Variants in PRLR observed in about 807,000 individuals in gnomAD.
The protein encoded by PRLR is hPRL receptor.
In PRLR, 13 loss-of-function variants were observed where a neutral mutation model predicts 40.2. The observed-to-expected ratio is 0.32, with a 90% CI of 0.21 to 0.51. The LOEUF is 0.51. PRLR is among the 20% of genes least tolerant of loss of function. The pLI is 0.97. For missense variants in PRLR, 656 were observed against 747.3 expected (o/e 0.88, Z 1.42); for synonymous variants, 269 against 278.7 (o/e 0.97, Z 0.35).
At chr5:35,054,067 C>G (rs1193341232), downstream of PRLR, among the ~76,000 whole-genome samples, 1 of 152,124 alleles carries the variant, frequency 6.6e-6, no homozygotes, top group Non-Finnish European at 1.5e-5. Context: ...TACTCAGATA[C>G]AAATGGATTC....
Position 35,084,478 on chromosome 5 carries a change from G to A in PRLR, c.365C>T (p.Thr122Ile), listed in dbSNP as rs771090673. ...SFSDELYVDV[T>I]YIVQPDPPLE... ...ACTTTCCTTCCCCTTACCTATGTAA[G>A]TCACGTCCACATAAAGTTCATCCGA... Residue 122 changes from threonine (T) to isoleucine (I), a missense_variant, in exon 5 of 10, where the codon ACT becomes ATT. Physicochemically the swap from Thr to Ile is moderately conservative, Grantham distance 89. Coordinates refer to ENST00000618457, the MANE Select transcript of PRLR (RefSeq NM_000949.7). 1.9e-6 allele frequency: 3 copies of A among 1,569,352 alleles called. No homozygotes were observed. The highest frequency in any genetic ancestry group is 2.6e-6 in the Non-Finnish European group (3 of 1,164,792).
At position 35,099,219 on chromosome 5, in the gene PRLR, A is replaced by G. The variant is rs375358747; in HGVS notation, c.-43-9556T>C. 2.6e-5 allele frequency among the ~76,000 whole-genome samples: 4 copies of G among 152,330 alleles called. No homozygotes were observed. The East Asian group carries it at 7.7e-4, about 29-fold the overall frequency. On this transcript the variant is annotated intron_variant, in intron 2 of 9. Transcript: ENST00000618457. ...TGGTGGCCTCTGAAAGTGGGTAGAA[A>G]TAACACACAGTAACGCACTGAATGA...
intron 1 of PRLR, among the ~76,000 whole-genome samples, chr5:35,213,495 T>G (rs1776216981): frequency 6.6e-6 from 1 of 152,224 alleles, no homozygotes; most frequent in Admixed American, 6.5e-5. Context: ...TGCTGTTTCT[T>G]TAGCTATCTG....
intron 1 of PRLR, among the ~76,000 whole-genome samples, chr5:35,122,445 CTA>C: frequency 6.6e-6 from 1 of 152,316 alleles, no homozygotes; most frequent in South Asian, 2.1e-4. Flanking sequence ...ACCTCCTGCC[CTA>C]TGTGTCCATG....
At chr5:35,168,289 T>C (rs7711988) in intron 1 of PRLR, among the ~76,000 whole-genome samples, 2,550 of 152,028 alleles carry the variant, frequency 0.017, 87 homozygotes, top group African/African-American at 0.059. Context: ...TCATATCTGA[T>C]TAAACATGAA....
At chr5:35,083,517 T>TTC (rs1435373681) in intron 5 of PRLR, among the ~76,000 whole-genome samples, 8 of 148,722 alleles carry the variant, frequency 5.4e-5, no homozygotes, top group African/African-American at 1.8e-4. Flanking sequence ...ATTCTTTCTT[T>TTC]TCTTTTCTTT....
intron 1 of PRLR, among the ~76,000 whole-genome samples, chr5:35,130,701 C>T (rs189943849): frequency 3.2e-4 from 48 of 152,244 alleles, no homozygotes; most frequent in South Asian, 4.2e-4. Context: ...TGCATCCTCC[C>T]GAAAGAGACG....
At chr5:35,115,104 G>C (rs115722919) in intron 2 of PRLR, among the ~76,000 whole-genome samples, 1 of 152,118 alleles carries the variant, frequency 6.6e-6, no homozygotes, top group South Asian at 2.1e-4. Context: ...ACATGAGGCT[G>C]GCAAACATTT....
intron 1 of PRLR, among the ~76,000 whole-genome samples, chr5:35,147,376 A>C (rs78460380): frequency 6.6e-6 from 1 of 152,238 alleles, no homozygotes; most frequent in East Asian, 1.9e-4. Flanking sequence ...CTATATTTCC[A>C]TCTCAAGAAT....
intron 2 of PRLR, among the ~76,000 whole-genome samples, chr5:35,116,886 C>A (rs1773054711): frequency 6.6e-6 from 1 of 152,200 alleles, no homozygotes; most frequent in African/African-American, 2.4e-5. Context: ...GCTGAGGCAA[C>A]TTAAAGCAGT....
At chr5:35,051,474 C>T (rs1768495720), downstream of PRLR, among the ~76,000 whole-genome samples, 1 of 152,138 alleles carries the variant, frequency 6.6e-6, no homozygotes, top group East Asian at 1.9e-4. Context: ...ACAATCAAGG[C>T]TTAATTATTG....
At chr5:35,068,641 T>A in intron 8 of PRLR, 138 bp downstream of exon 8, 1 of 709,134 alleles carries the variant, frequency 1.4e-6, no homozygotes, top group Non-Finnish European at 2.3e-6. Flanking sequence ...ATAAAAGATT[T>A]TTTTTATGGG....
At chr5:35,138,829 T>A (rs767842813) in intron 1 of PRLR, among the ~76,000 whole-genome samples, 1 of 152,194 alleles carries the variant, frequency 6.6e-6, no homozygotes, top group Non-Finnish European at 1.5e-5. Flanking sequence ...TTTTATCTGC[T>A]GCCATTACTT....
chr5:35,138,871 T>TA (rs1773932946), intron 1 of PRLR, among the ~76,000 whole-genome samples: 1 of 152,188 alleles, frequency 6.6e-6, no homozygotes, highest in South Asian at 2.1e-4. Flanking sequence ...ATCTTCCAGT[T>TA]AAATCATGAT....
intron 1 of PRLR, among the ~76,000 whole-genome samples, chr5:35,179,439 T>A (rs564050093): frequency 6.6e-6 from 1 of 152,256 alleles, no homozygotes; most frequent in East Asian, 1.9e-4. Context: ...ATAAGGCAGT[T>A]GTGGTAATAG....
In PRLR at chr5:35,148,781, T is replaced by C. The variant is rs928738259; in HGVS notation, c.-105-30659A>G. Among the ~76,000 whole-genome samples the C allele has an allele frequency of 2.6e-5, 4 of 152,138 alleles. 1 individual carries two copies. In the South Asian group the frequency reaches 8.3e-4, roughly 32 times the overall value. ...TTAGGAGACTTTTTTAACTCAATAT[T>C]TTACAAAAATTTGATATTGCAAACA... On this transcript the variant is annotated intron_variant, in intron 1 of 9. Transcript: ENST00000618457.
intron 1 of PRLR, among the ~76,000 whole-genome samples, chr5:35,123,759 G>A (rs1773367007): frequency 1.3e-5 from 2 of 152,152 alleles, no homozygotes; most frequent in Non-Finnish European, 2.9e-5. Flanking sequence ...AAAGTATTCA[G>A]TAGCTTTATA....
At chr5:35,210,954 C>T (rs754309683) in intron 1 of PRLR, among the ~76,000 whole-genome samples, 2 of 152,142 alleles carry the variant, frequency 1.3e-5, no homozygotes, top group Non-Finnish European at 2.9e-5. Flanking sequence ...TGCAAGCAAT[C>T]CACCTGCCTC....
chr5:35,175,759 T>C (rs1235427544), intron 1 of PRLR, among the ~76,000 whole-genome samples: 3 of 152,208 alleles, frequency 2.0e-5, no homozygotes, highest in Non-Finnish European at 4.4e-5. Context: ...CTTCACAAAC[T>C]GCCCCCACTT....
Sources: gnomAD v4.1 joint callset for allele counts (sites outside exome capture counted in the v4.1 genomes callset) on GRCh38, gnomAD v4.1.1 for gene constraint, MANE v1.5 for transcripts, NCBI Gene and HGNC (gene_info 2026-07-23, HGNC 2026-07-21) for gene names.